The following POU2AF1 variants were observed in gnomAD, a reference collection of about 807,000 sequenced individuals.
The protein encoded by POU2AF1 is POU class 2 homeobox associating factor 1, also known as POU domain class 2-associating factor 1.
Under a neutral mutation model 26.3 loss-of-function variants are expected in POU2AF1, and 12 were observed. That is an observed-to-expected ratio of 0.46 (90% CI 0.29 to 0.74). The LOEUF is 0.74. Ranked by LOEUF, POU2AF1 falls within the 30% of genes least tolerant of loss-of-function variation. The probability of loss-of-function intolerance (pLI) is 0.09; values close to 1 mark genes in which losing one functional copy is unlikely to be tolerated. For synonymous variants in POU2AF1, 175 were observed against 148.0 expected (o/e 1.18, Z -1.32); for missense variants, 297 against 334.5 (o/e 0.89, Z 0.87).
chr11:111,359,300 G>T, intron 1 of POU2AF1: 1 of 249,550 alleles, frequency 4.0e-6, no homozygotes, highest in Non-Finnish European at 7.8e-6. Context: ...GGTTTTCCGT[G>T]GTCAGAATTC....
intron 1 of POU2AF1, 148 bp downstream of exon 1, chr11:111,379,014 C>CCCCCCCCCCCCCG: frequency 2.7e-6 from 1 of 368,410 alleles, no homozygotes; most frequent in African/African-American, 2.3e-5. Context: ...CCACCTCCCC[C>CCCCCCCCCCCCCG]CTCCCTGCTC....
chr11:111,370,967 T>G (rs946992298), intron 1 of POU2AF1, among the ~76,000 whole-genome samples: 2 of 152,250 alleles, frequency 1.3e-5, no homozygotes, highest in Admixed American at 6.5e-5. Context: ...CTGCATGGGA[T>G]GATGAATAGA....
rs1178627880 is a variant in POU2AF1, at chr11:111,377,209, T to C, written c.16+1953A>G. Among the ~76,000 whole-genome samples the C allele has an allele frequency of 3.1e-5, 3 of 97,284 alleles. No homozygotes were observed. The South Asian group carries it at 9.2e-4, about 30-fold the overall frequency. 63.8% of individuals were successfully genotyped at this position (97,284 alleles called of 152,430 possible). ...CAACATAGTAAAACACCATCTCTAC[T>C]AAAAATACAAAAAAAAAAAAAACAG... On this transcript the variant is annotated intron_variant, in intron 1 of 4. Coordinates refer to ENST00000393067, the MANE Select transcript of POU2AF1 (RefSeq NM_006235.3).
chr11:111,369,180 C>A (rs960811313), intron 1 of POU2AF1, among the ~76,000 whole-genome samples: 1 of 152,234 alleles, frequency 6.6e-6, no homozygotes, highest in African/African-American at 2.4e-5. Context: ...AAAGACTTCG[C>A]TTTCGTACAG....
At chr11:111,376,829 A>G (rs1213420425) in intron 1 of POU2AF1, among the ~76,000 whole-genome samples, 1 of 152,024 alleles carries the variant, frequency 6.6e-6, no homozygotes, top group Non-Finnish European at 1.5e-5. Flanking sequence ...CGGTTTAGTC[A>G]CCCAGGTGCC....
intron 1 of POU2AF1, among the ~76,000 whole-genome samples, chr11:111,376,762 C>T (rs79112258): frequency 6.6e-6 from 1 of 152,238 alleles, no homozygotes; most frequent in Non-Finnish European, 1.5e-5. Context: ...CCTGCCCTTC[C>T]ATCGGGTGAC....
At chr11:111,369,686 A>G (rs1018888361) in intron 1 of POU2AF1, among the ~76,000 whole-genome samples, 4 of 152,338 alleles carry the variant, frequency 2.6e-5, no homozygotes, top group African/African-American at 9.6e-5. Flanking sequence ...GAAAGGGCCT[A>G]AACAGAGCTC....
At position 111,368,452 on chromosome 11, in the gene POU2AF1, G is replaced by A. The variant is rs74472227; in HGVS notation, c.17-9534C>T. Among the ~76,000 whole-genome samples, 138 of 152,198 alleles carry A rather than the reference G, an allele frequency of 9.1e-4. No homozygotes were observed. In the East Asian group the frequency reaches 0.021, roughly 23 times the overall value. On this transcript the variant is annotated intron_variant, in intron 1 of 4. Transcript: ENST00000393067. ...GGCTGATTGGCCCACCAAGAGAAGAGGAGTCCAGGGAACTCAGATTCTAAG... is the reference window on the plus strand; with the variant it reads ...GGCTGATTGGCCCACCAAGAGAAGAAGAGTCCAGGGAACTCAGATTCTAAG...
At chr11:111,361,655 C>T (rs757481264) in intron 1 of POU2AF1, among the ~76,000 whole-genome samples, 21 of 152,204 alleles carry the variant, frequency 1.4e-4, no homozygotes, top group Non-Finnish European at 2.6e-4. Context: ...CTTCCTCCTA[C>T]TGAGGCTAAC....
intron 2 of POU2AF1, among the ~76,000 whole-genome samples, chr11:111,358,402 A>AC (rs1565360733): frequency 3.2e-4 from 13 of 40,014 alleles, no homozygotes; most frequent in African/African-American, 9.3e-4. Flanking sequence ...CCTCACACAC[A>AC]TACTCTCTCA....
chr11:111,354,105 A>G lies in POU2AF1; in HGVS notation c.*156T>C. ...GGAAGTGAGGGAGGGAGGGGAAGGA[A>G]GAAGGGAAGGAAGGTTTACAGGTCT... On this transcript the variant is annotated 3_prime_UTR_variant, in exon 5 of 5. Coordinates refer to ENST00000393067, the MANE Select transcript of POU2AF1 (RefSeq NM_006235.3). The G allele has an allele frequency of 2.8e-6, 2 of 706,734 alleles. No individual in the cohort carries two copies. Among genetic ancestry groups the G allele is most frequent in the East Asian group, 3.3e-5 (1 of 30,668 alleles). The allele number at this position is 706,734 out of a possible 1,614,324, so 43.8% of individuals were successfully genotyped here.
intron 1 of POU2AF1, among the ~76,000 whole-genome samples, chr11:111,378,139 C>T (rs892148026): frequency 7.2e-5 from 11 of 152,086 alleles, no homozygotes; most frequent in East Asian, 1.9e-4. Context: ...TTATATTTTC[C>T]GAACTTTAGT....
intron 1 of POU2AF1, among the ~76,000 whole-genome samples, chr11:111,368,052 C>T (rs1861138179): frequency 6.6e-6 from 1 of 152,170 alleles, no homozygotes; most frequent in African/African-American, 2.4e-5. Context: ...GGTTCTTGCC[C>T]TCTTGGAGCT....
At chr11:111,358,358 T>A (rs34306900) in intron 2 of POU2AF1, among the ~76,000 whole-genome samples, 7,666 of 105,808 alleles carry the variant, frequency 0.072, 351 homozygotes, top group African/African-American at 0.15. Flanking sequence ...ACACTCACAC[T>A]CTCACACACT....
intron 1 of POU2AF1, among the ~76,000 whole-genome samples, chr11:111,360,897 T>C (rs1271791087): frequency 6.9e-6 from 1 of 145,318 alleles, no homozygotes; most frequent in Non-Finnish European, 1.5e-5. Context: ...TGAGCTGAGA[T>C]CACACCATTG....
At position 111,357,649 on chromosome 11, in the gene POU2AF1, A is replaced by C; in HGVS notation, c.252T>G (p.Cys84Trp). The change falls in exon 4 of 5, where the codon TGT (cysteine) becomes TGG (tryptophan). Residue 84 changes from cysteine to tryptophan, a missense_variant. Cys to Trp is a radical substitution (Grantham distance 215). Transcript: ENST00000393067. Reference protein sequence around the residue: ...VSAVTEEAALCAGWLSQPTPA... With the variant: ...VSAVTEEAALWAGWLSQPTPA... Reference sequence around the variant, plus strand: ...GGGTGGGCTGGGAGAGCCAGCCGGCACACAGGGCAGCCTCCTCTGTCACTG... The same window carrying C: ...GGGTGGGCTGGGAGAGCCAGCCGGCCCACAGGGCAGCCTCCTCTGTCACTG... 1 of 1,613,610 alleles carries C rather than the reference A, an allele frequency of 6.2e-7. No individual in the cohort carries two copies. Among genetic ancestry groups the C allele is most frequent in the Non-Finnish European group, 8.5e-7 (1 of 1,179,810 alleles).
rs1278959075 is a variant in POU2AF1 at position 111,352,643 on chromosome 11, A to G, written c.*1618T>C. Reference sequence around the variant, plus strand: ...CGCTTTTAAGACACTAAAGAAACCCACATGGTAAAAGGCTGGGTGCGGTGG... The same window carrying G: ...CGCTTTTAAGACACTAAAGAAACCCGCATGGTAAAAGGCTGGGTGCGGTGG... On this transcript the variant is annotated 3_prime_UTR_variant, in exon 5 of 5. Transcript: ENST00000393067. 1 of 177,430 alleles carries G rather than the reference A, an allele frequency of 5.6e-6. No individual in the cohort carries two copies. Among genetic ancestry groups the G allele is most frequent in the Non-Finnish European group, 1.2e-5 (1 of 82,552 alleles). 11.0% of individuals were successfully genotyped at this position (177,430 alleles called of 1,614,324 possible).
intron 2 of POU2AF1, among the ~76,000 whole-genome samples, chr11:111,358,337 C>CGT (rs1364688092): frequency 6.7e-5 from 5 of 74,372 alleles, no homozygotes; most frequent in Non-Finnish European, 1.6e-4. Context: ...CTCACACACT[C>CGT]TCACACTCTC....
At chr11:111,359,957 G>T (rs1007364579) in intron 1 of POU2AF1, 1 of 519,014 alleles carries the variant, frequency 1.9e-6, no homozygotes, top group Non-Finnish European at 3.8e-6. Flanking sequence ...CAGGGCATGG[G>T]ACAATTACCC....
Sources: allele counts gnomAD v4.1 joint callset (sites outside exome capture counted in the v4.1 genomes callset), GRCh38; gene constraint gnomAD v4.1.1; transcripts MANE v1.5; gene names NCBI Gene and HGNC (gene_info 2026-07-23, HGNC 2026-07-21).